Variants in RBFOX1 observed in about 807,000 individuals in gnomAD.
The protein encoded by RBFOX1 is RNA binding fox-1 homolog 1.
A neutral mutation model predicts 57.7 loss-of-function variants in RBFOX1; 8 were observed. That is an observed-to-expected ratio of 0.14 (90% CI 0.08 to 0.25). The LOEUF is 0.25. Among genes scored for constraint, RBFOX1 ranks in the 10% least tolerant of loss-of-function variants. The probability of loss-of-function intolerance (pLI) is 1.00; values close to 1 mark genes in which losing one functional copy is unlikely to be tolerated. For missense variants in RBFOX1, 611 were observed against 548.5 expected, an observed-to-expected ratio of 1.11 and a Z score of -1.14; for synonymous variants, 326 against 222.4, an observed-to-expected ratio of 1.47 and a Z score of -4.15.
intron 3 of RBFOX1, among the ~76,000 whole-genome samples, chr16:6,698,657 C>T (rs1195092608): frequency 1.3e-5 from 2 of 152,160 alleles, no homozygotes; most frequent in African/African-American, 4.8e-5. Context: ...GGGACCACCC[C>T]TTTTAGGTTA....
chr16:7,295,966 G>A (rs886187818), intron 4 of RBFOX1, among the ~76,000 whole-genome samples: 2 of 152,152 alleles, frequency 1.3e-5, no homozygotes, highest in Non-Finnish European at 2.9e-5. Context: ...TGGGGGTAAA[G>A]AGAATAGTTA....
chr16:5,662,687 T>A (rs2151391805), intron 3 of RBFOX1, among the ~76,000 whole-genome samples: 1 of 152,336 alleles, frequency 6.6e-6, no homozygotes, highest in East Asian at 1.9e-4. Context: ...TGTGTGGAAT[T>A]TTTTGAATGT....
intron 4 of RBFOX1, among the ~76,000 whole-genome samples, chr16:7,270,953 C>G (rs566643092): frequency 5.3e-5 from 8 of 152,246 alleles, no homozygotes; most frequent in African/African-American, 1.9e-4. Context: ...TACGGTGGGG[C>G]TGGGTGCTGA....
At chr16:5,596,697 C>T (rs933768975) in intron 2 of RBFOX1, among the ~76,000 whole-genome samples, 1 of 152,140 alleles carries the variant, frequency 6.6e-6, no homozygotes, top group African/African-American at 2.4e-5. Flanking sequence ...TTTCTTGGTC[C>T]ATCTATAAAG....
At chr16:5,854,200 A>T (rs1267206553) in intron 3 of RBFOX1, among the ~76,000 whole-genome samples, 1 of 152,202 alleles carries the variant, frequency 6.6e-6, no homozygotes, top group Non-Finnish European at 1.5e-5. Flanking sequence ...AGAACACGTA[A>T]GATCAACTTC....
At chr16:6,958,346 G>A (rs2082287165) in intron 3 of RBFOX1, among the ~76,000 whole-genome samples, 1 of 152,106 alleles carries the variant, frequency 6.6e-6, no homozygotes, top group East Asian at 1.9e-4. Flanking sequence ...GAATCCTCAA[G>A]TAGCATTTTT....
chr16:5,651,804 C>T (rs935812861), intron 3 of RBFOX1, among the ~76,000 whole-genome samples: 3 of 152,306 alleles, frequency 2.0e-5, no homozygotes, highest in African/African-American at 4.8e-5. Flanking sequence ...TCATAAGCAT[C>T]CATTTGCATA....
rs531687274 is a variant in RBFOX1 at position 5,300,561 on chromosome 16, G to A, written c.219+60456G>A. 3.3e-5 allele frequency among the ~76,000 whole-genome samples: 5 copies of A among 152,206 alleles called. No homozygotes were observed. The South Asian group carries it at 1.0e-3, about 32-fold the overall frequency. On this transcript the variant is annotated intron_variant, in intron 1 of 2. Coordinates refer to the RBFOX1 transcript ENST00000585867. ...TCCTCATCTCTATTATTTTCTGAAA[G>A]AATTTAAGTAATAATTATATTATTT...
At chr16:6,605,035 A>C (rs561015803) in intron 2 of RBFOX1, among the ~76,000 whole-genome samples, 34 of 152,160 alleles carry the variant, frequency 2.2e-4, no homozygotes, top group African/African-American at 7.9e-4. Context: ...CATATATATA[A>C]AAATATATAA....
intron 2 of RBFOX1, among the ~76,000 whole-genome samples, chr16:5,562,438 G>C (rs889372529): frequency 2.0e-5 from 3 of 152,088 alleles, no homozygotes; most frequent in African/African-American, 7.2e-5. Flanking sequence ...CAGATGCTGG[G>C]GCCAGGGCTG....
Position 7,224,020 on chromosome 16 carries a change from T to G in RBFOX1, c.27+171922T>G, listed in dbSNP as rs1482558655. Among the ~76,000 whole-genome samples, 4 of 151,564 alleles carry G rather than the reference T, an allele frequency of 2.6e-5. No homozygotes were observed. The East Asian group carries it at 7.8e-4, about 30-fold the overall frequency. On this transcript the variant is annotated intron_variant, in intron 4 of 15. Coordinates refer to ENST00000550418, the MANE Select transcript of RBFOX1 (RefSeq NM_018723.4). ...GTACATAAGTAAAGTACATATTATTTATGCATATGTTGTATTTATGACCTT... is the reference window on the plus strand; with the variant it reads ...GTACATAAGTAAAGTACATATTATTGATGCATATGTTGTATTTATGACCTT...
At chr16:6,262,578 C>G (rs978152156) in intron 1 of RBFOX1, among the ~76,000 whole-genome samples, 1 of 152,172 alleles carries the variant, frequency 6.6e-6, no homozygotes, top group Non-Finnish European at 1.5e-5. Flanking sequence ...AACTGGATTG[C>G]AACATCTTTC....
chr16:7,012,855 C>A (rs921092643), intron 3 of RBFOX1, among the ~76,000 whole-genome samples: 2 of 152,074 alleles, frequency 1.3e-5, no homozygotes, highest in African/African-American at 2.4e-5. Context: ...GTGGCTTGAA[C>A]AAGAGCTATT....
At position 6,060,122 on chromosome 16, in the gene RBFOX1, G is replaced by GTTTTTTTTTTTTTTTTTT. The variant is rs199690584; in HGVS notation, c.-127+40149_-127+40166dup. 2.4e-3 allele frequency among the ~76,000 whole-genome samples: 279 copies of GTTTTTTTTTTTTTTTTTT among 114,108 alleles called. 24 individuals are homozygous for GTTTTTTTTTTTTTTTTTT. Among genetic ancestry groups the GTTTTTTTTTTTTTTTTTT allele is most frequent in the East Asian group, 3.7e-3 (14 of 3,784 alleles). The allele number at this position is 114,108 out of a possible 152,430, so 74.9% of individuals were successfully genotyped here. The stretch of plus-strand genomic sequence containing the variant: ...ATTTGGCCCTAAAATTAGGATTAGG[G>GTTTTTTTTTTTTTTTTTT]TTTTTTTTTTTTTTTTTTTTTTTTT... On this transcript the variant is annotated intron_variant, in intron 1 of 15. Coordinates refer to ENST00000550418, the MANE Select transcript of RBFOX1 (RefSeq NM_018723.4).
chr16:6,620,326 C>G (rs866262361), intron 2 of RBFOX1, among the ~76,000 whole-genome samples: 1 of 152,134 alleles, frequency 6.6e-6, no homozygotes, highest in Non-Finnish European at 1.5e-5. Flanking sequence ...ATACCAGAAT[C>G]TCTGAGACGC....
intron 14 of RBFOX1, among the ~76,000 whole-genome samples, chr16:7,706,045 CTGTCTCCGGGCTGTGCTT>C (rs1353082933): frequency 6.6e-6 from 1 of 152,224 alleles, no homozygotes; most frequent in South Asian, 2.1e-4. Context: ...TTGCTGTGCT[CTGTCTCCGGGCTGTGCTT>C]AGCCAGCTCT....
intron 10 of RBFOX1, among the ~76,000 whole-genome samples, chr16:7,615,897 G>C (rs138610356): frequency 6.6e-6 from 1 of 152,138 alleles, no homozygotes; most frequent in African/African-American, 2.4e-5. Flanking sequence ...CGCTATTCGA[G>C]ATGCCACATA....
intron 4 of RBFOX1, among the ~76,000 whole-genome samples, chr16:7,407,158 A>C (rs544903154): frequency 6.6e-6 from 1 of 152,198 alleles, no homozygotes; most frequent in Non-Finnish European, 1.5e-5. Flanking sequence ...TGGTGTGCCC[A>C]TCACCAGAGC....
At chr16:7,344,101 C>CTT (rs61008217) in intron 4 of RBFOX1, among the ~76,000 whole-genome samples, 1,179 of 90,566 alleles carry the variant, frequency 0.013, 25 homozygotes, top group African/African-American at 0.02. Flanking sequence ...CTCAGCTTTA[C>CTT]TTTTTTTTTT....
Sources: gnomAD v4.1 joint callset for allele counts (sites outside exome capture counted in the v4.1 genomes callset) on GRCh38, gnomAD v4.1.1 for gene constraint, MANE v1.5 for transcripts, NCBI Gene and HGNC (gene_info 2026-07-23, HGNC 2026-07-21) for gene names.